Variants in ZNF577 observed in about 807,000 individuals in gnomAD.
ZNF577 encodes the protein zinc finger protein 577.
ZNF577 carries 14 observed loss-of-function variants against 13.9 expected under a neutral mutation model. The observed-to-expected ratio is 1.00, with a 90% CI of 0.66 to 1.57. The LOEUF is 1.57. Among genes scored for constraint, ZNF577 ranks in the 40% most tolerant of loss-of-function variants. ZNF577 has a pLI of 0.00. For synonymous variants in ZNF577, 203 were observed against 202.9 expected (o/e 1.00, Z 0.00); for missense variants, 555 against 579.2 (o/e 0.96, Z 0.43).
intron 9 of ZNF577, among the ~76,000 whole-genome samples, chr19:51,816,094 A>G (rs2084134805): frequency 6.6e-6 from 1 of 150,380 alleles, no homozygotes; most frequent in Non-Finnish European, 1.5e-5. Flanking sequence ...TTGAGAAATG[A>G]GATTAGATGA....
chr19:51,884,043 C>T lies in ZNF577; in HGVS notation c.-219+2778G>A, dbSNP rs143188802. On this transcript the variant is annotated intron_variant, in intron 1 of 5. Transcript: ENST00000638348. ...GAGCCAAGATAACGCCACTGCAGTCCGGCCTCGGTGACAGAGTGAGAGTCC... is the reference window on the plus strand; with the variant it reads ...GAGCCAAGATAACGCCACTGCAGTCTGGCCTCGGTGACAGAGTGAGAGTCC... Among the ~76,000 whole-genome samples, 24 of 152,260 alleles carry T rather than the reference C, an allele frequency of 1.6e-4. No homozygotes were observed. The East Asian group carries it at 3.7e-3, about 23-fold the overall frequency.
intron 5 of ZNF577, among the ~76,000 whole-genome samples, chr19:51,875,987 G>A (rs775362897): frequency 2.6e-5 from 4 of 152,174 alleles, no homozygotes; most frequent in South Asian, 2.1e-4. Flanking sequence ...ACCAGGCACC[G>A]GAGTGATGAG....
rs1251461783 is a variant in ZNF577 at position 51,880,772 on chromosome 19, GTCAGGTATCATC to G, written c.-125_-114del. On this transcript the variant is annotated 5_prime_UTR_variant, in exon 2 of 6. The change abolishes an upstream ATG in the 5' untranslated region. Transcript: ENST00000638348. ...ATTCTGGGCCTTCCCAGAAGTGGTG[GTCAGGTATCATC>G]TCAGGTCAAGCTACCACTGGAAATG... The G allele has an allele frequency of 5.4e-6, 1 of 183,538 alleles. No homozygotes were observed. Among genetic ancestry groups the G allele is most frequent in the African/African-American group, 2.4e-5 (1 of 42,138 alleles). 11.4% of individuals were successfully genotyped at this position (183,538 alleles called of 1,614,324 possible).
intron 4 of ZNF577, chr19:51,878,168 G>T (rs924209995): frequency 6.6e-6 from 2 of 305,024 alleles, no homozygotes; most frequent in Non-Finnish European, 1.2e-5. Flanking sequence ...AAGACAGAAG[G>T]TAGTGTTGGT....
chr19:51,807,281 C>G (rs1191590623), intron 10 of ZNF577, among the ~76,000 whole-genome samples: 2 of 152,138 alleles, frequency 1.3e-5, no homozygotes, highest in East Asian at 1.9e-4. Flanking sequence ...ATTCTTAAAA[C>G]AGTAGGCGCT....
downstream of ZNF577, among the ~76,000 whole-genome samples, chr19:51,864,551 G>C (rs2084538753): frequency 6.6e-6 from 1 of 152,202 alleles, no homozygotes; most frequent in South Asian, 2.1e-4. Flanking sequence ...AAGCTTGAGT[G>C]AAAATAACTG....
intron 5 of ZNF577, among the ~76,000 whole-genome samples, chr19:51,848,196 C>T (rs566376113): frequency 2.6e-5 from 4 of 152,256 alleles, no homozygotes; most frequent in South Asian, 2.1e-4. Context: ...AGTAGGATTT[C>T]GGCACTTTCA....
intron 6 of ZNF577, chr19:51,843,429 T>C (rs2084331991): frequency 6.6e-6 from 1 of 152,216 alleles, no homozygotes; most frequent in Non-Finnish European, 1.5e-5. Context: ...AAACGAAGAT[T>C]TTCCTGTGCC....
At chr19:51,833,615 A>C (rs143742359) in intron 9 of ZNF577, among the ~76,000 whole-genome samples, 102 of 152,302 alleles carry the variant, frequency 6.7e-4, no homozygotes, top group African/African-American at 2.3e-3. Context: ...AATCAATAAT[A>C]AATTTTAGAC....
intron 9 of ZNF577, among the ~76,000 whole-genome samples, chr19:51,821,515 A>G (rs927904587): frequency 6.6e-5 from 10 of 152,178 alleles, no homozygotes; most frequent in Non-Finnish European, 1.3e-4. Flanking sequence ...TGTAGTGCCA[A>G]CGTTGAGAAA....
intron 5 of ZNF577, among the ~76,000 whole-genome samples, chr19:51,850,610 C>T (rs1241900964): frequency 6.6e-6 from 1 of 152,112 alleles, no homozygotes; most frequent in African/African-American, 2.4e-5. Context: ...TTTTCTGAGT[C>T]TTGTGAGTAA....
chr19:51,821,078 G>A (rs1193901240), intron 9 of ZNF577, among the ~76,000 whole-genome samples: 1 of 152,188 alleles, frequency 6.6e-6, no homozygotes. Flanking sequence ...AGCCTGGTGA[G>A]GACCAGAAGT....
At chr19:51,812,521 C>T (rs1268354962) in intron 9 of ZNF577, among the ~76,000 whole-genome samples, 1 of 152,198 alleles carries the variant, frequency 6.6e-6, no homozygotes, top group African/African-American at 2.4e-5. Context: ...ATTCATTTGG[C>T]TAGCATGTTC....
At chr19:51,881,357 T>C (rs2084858935) in intron 1 of ZNF577, among the ~76,000 whole-genome samples, 1 of 152,134 alleles carries the variant, frequency 6.6e-6, no homozygotes, top group Non-Finnish European at 1.5e-5. Context: ...AGAAACTGAC[T>C]TAAAATCACC....
At chr19:51,878,255 G>T in intron 4 of ZNF577, 134 bp downstream of exon 4, 1 of 975,520 alleles carries the variant, frequency 1.0e-6, no homozygotes. Context: ...TAAATTTTAT[G>T]TTATATATTT....
intron 9 of ZNF577, among the ~76,000 whole-genome samples, chr19:51,821,517 G>A (rs562713914): frequency 3.9e-5 from 6 of 152,214 alleles, no homozygotes; most frequent in African/African-American, 9.6e-5. Flanking sequence ...TAGTGCCAAC[G>A]TTGAGAAACC....
At chr19:51,882,663 A>C (rs2084880461) in intron 1 of ZNF577, among the ~76,000 whole-genome samples, 1 of 152,132 alleles carries the variant, frequency 6.6e-6, no homozygotes, top group Non-Finnish European at 1.5e-5. Context: ...GCATGCATGT[A>C]GTCCCAGGTA....
rs946941403 is a variant in ZNF577, at chr19:51,877,539, C to T, written c.188-162G>A. ...CACTTCGTGCCAGGGAGGAAAATAA[C>T]AGTCTGCGTGACACACCCATACCCA... On this transcript the variant is annotated intron_variant, in intron 4 of 5. Transcript: ENST00000638348. The T allele has an allele frequency of 5.0e-6, 3 of 599,476 alleles. 1 individual carries two copies. The highest frequency in any genetic ancestry group is 4.1e-5 in the South Asian group (2 of 48,906). 37.1% of individuals were successfully genotyped at this position (599,476 alleles called of 1,614,324 possible). A position where few individuals can be genotyped will look rare whatever the true frequency, so the allele number is the denominator to read the frequency against.
chr19:51,846,782 A>G (rs769513483), intron 5 of ZNF577, among the ~76,000 whole-genome samples: 5 of 152,194 alleles, frequency 3.3e-5, no homozygotes, highest in African/African-American at 1.2e-4. Flanking sequence ...TGCAAACCAG[A>G]AAAAGATCTC....
Sources: allele counts gnomAD v4.1 joint callset (sites outside exome capture counted in the v4.1 genomes callset), GRCh38; gene constraint gnomAD v4.1.1; transcripts MANE v1.5; gene names NCBI Gene and HGNC (gene_info 2026-07-23, HGNC 2026-07-21).